Variants in NFIB observed in about 807,000 individuals in gnomAD.
NFIB encodes the protein nuclear factor 1 B-type.
In NFIB, 11 loss-of-function variants were observed where a neutral mutation model predicts 61.5. The ratio of observed to expected loss-of-function variants is 0.18; its 90% confidence interval spans 0.11 to 0.30. The LOEUF is 0.30. Ranked by LOEUF, NFIB falls within the 10% of genes least tolerant of loss-of-function variation. The pLI is 1.00. For synonymous variants in NFIB, 260 were observed against 216.5 expected, an observed-to-expected ratio of 1.20 and a Z score of -1.76; for missense variants, 471 against 608.9, an observed-to-expected ratio of 0.77 and a Z score of 2.38.
At chr9:14,461,868 G>C in the NFIB span, among the ~76,000 whole-genome samples, 1 of 152,162 alleles carries the variant, frequency 6.6e-6, no homozygotes, top group Non-Finnish European at 1.5e-5. Context: ...ATGGCATTAT[G>C]GTATCTTCCT....
intron 7 of NFIB, among the ~76,000 whole-genome samples, chr9:14,123,574 G>A (rs2039223999): frequency 6.6e-6 from 1 of 152,178 alleles, no homozygotes; most frequent in African/African-American, 2.4e-5. Context: ...ACCGAGTCCT[G>A]GATCACTTCT....
chr9:14,203,584 G>C (rs1311020000), intron 2 of NFIB, among the ~76,000 whole-genome samples: 2 of 152,188 alleles, frequency 1.3e-5, no homozygotes, highest in East Asian at 1.9e-4. Context: ...CTCTCCGCGC[G>C]GGCAGGATCT....
intron 2 of NFIB, among the ~76,000 whole-genome samples, chr9:14,229,741 CCAA>C (rs1170317102): frequency 6.6e-6 from 1 of 152,162 alleles, no homozygotes; most frequent in Non-Finnish European, 1.5e-5. Context: ...CCTCACTGAG[CCAA>C]CCATCTTAGA....
chr9:14,401,482 G>A (rs572389216), upstream of NFIB, among the ~76,000 whole-genome samples: 4 of 152,250 alleles, frequency 2.6e-5, no homozygotes, highest in South Asian at 2.1e-4. Context: ...CTAGGGCAGC[G>A]TCTATCTTAC....
At chr9:14,323,807 A>C (rs905721208) in intron 1 of NFIB, among the ~76,000 whole-genome samples, 1 of 152,234 alleles carries the variant, frequency 6.6e-6, no homozygotes, top group Non-Finnish European at 1.5e-5. Flanking sequence ...AAAAAAAGGC[A>C]TGGCCTTATT....
chr9:14,404,836 G>C, the NFIB span, among the ~76,000 whole-genome samples: 5 of 152,168 alleles, frequency 3.3e-5, no homozygotes, highest in African/African-American at 9.7e-5. Context: ...ATCTTGTTTG[G>C]ATGCTGGAGG....
At chr9:14,485,496 G>T in the NFIB span, among the ~76,000 whole-genome samples, 28 of 152,292 alleles carry the variant, frequency 1.8e-4, no homozygotes, top group African/African-American at 6.5e-4. Context: ...TAGTAGTTGT[G>T]TTGGCATCTA....
At chr9:14,412,305 T>C in the NFIB span, among the ~76,000 whole-genome samples, 2 of 152,190 alleles carry the variant, frequency 1.3e-5, no homozygotes, top group African/African-American at 4.8e-5. Context: ...AATTTACGCT[T>C]TCAGAAAAGG....
At chr9:14,131,316 T>A (rs2130942710) in intron 6 of NFIB, among the ~76,000 whole-genome samples, 1 of 152,356 alleles carries the variant, frequency 6.6e-6, no homozygotes, top group South Asian at 2.1e-4. Flanking sequence ...AATAAGTATT[T>A]TGCAAAATCA....
At chr9:14,456,400 A>C in the NFIB span, among the ~76,000 whole-genome samples, 2 of 152,198 alleles carry the variant, frequency 1.3e-5, no homozygotes, top group Non-Finnish European at 2.9e-5. Context: ...CAGAGTAAAA[A>C]GACAAAGGAC....
chr9:14,271,550 G>GA (rs1029417256), intron 2 of NFIB, among the ~76,000 whole-genome samples: 1 of 152,102 alleles, frequency 6.6e-6, no homozygotes, highest in Non-Finnish European at 1.5e-5. Context: ...TTAGGACCGG[G>GA]AAAAAAATCA....
intron 6 of NFIB, among the ~76,000 whole-genome samples, chr9:14,126,852 T>C (rs889171271): frequency 1.3e-5 from 2 of 152,184 alleles, no homozygotes; most frequent in East Asian, 3.8e-4. Flanking sequence ...CATCAATACA[T>C]TCATTCCATA....
the NFIB span, among the ~76,000 whole-genome samples, chr9:14,429,087 G>C: frequency 1.3e-5 from 2 of 152,120 alleles, no homozygotes; most frequent in Non-Finnish European, 2.9e-5. Context: ...GCAATCAAAT[G>C]ACAGAGCTTA....
At chr9:14,125,374 T>C (rs1453425806) in intron 7 of NFIB, among the ~76,000 whole-genome samples, 1 of 152,170 alleles carries the variant, frequency 6.6e-6, no homozygotes, top group Non-Finnish European at 1.5e-5. Context: ...GTCAGGCTAG[T>C]CTTGAACACC....
intron 2 of NFIB, among the ~76,000 whole-genome samples, chr9:14,288,058 A>G (rs181676865): frequency 1.9e-4 from 29 of 152,146 alleles, no homozygotes; most frequent in African/African-American, 6.8e-4. Context: ...TTTTAAATAC[A>G]GTATATTTGC....
the NFIB span, among the ~76,000 whole-genome samples, chr9:14,431,248 A>T: frequency 2.6e-5 from 4 of 152,212 alleles, no homozygotes; most frequent in Non-Finnish European, 5.9e-5. Flanking sequence ...ACTCAGTCAC[A>T]ATAACCTCAT....
At chr9:14,511,712 T>C in the NFIB span, among the ~76,000 whole-genome samples, 2 of 152,362 alleles carry the variant, frequency 1.3e-5, no homozygotes, top group Non-Finnish European at 2.9e-5. Context: ...CTTCTAGGTA[T>C]TTTGGTTCTA....
intron 2 of NFIB, among the ~76,000 whole-genome samples, chr9:14,186,224 G>A (rs1044045701): frequency 1.3e-5 from 2 of 152,184 alleles, no homozygotes; most frequent in Non-Finnish European, 2.9e-5. Flanking sequence ...TATCAGAGGA[G>A]TAAATGAAAC....
chr9:14,153,754 G>T (rs2043104657), intron 4 of NFIB, among the ~76,000 whole-genome samples: 1 of 152,126 alleles, frequency 6.6e-6, no homozygotes, highest in Non-Finnish European at 1.5e-5. Flanking sequence ...GTCAGAATTT[G>T]TGATACACAC....
Sources: gnomAD v4.1 joint callset for allele counts (sites outside exome capture counted in the v4.1 genomes callset) on GRCh38, gnomAD v4.1.1 for gene constraint, MANE v1.5 for transcripts, NCBI Gene and HGNC (gene_info 2026-07-23, HGNC 2026-07-21) for gene names.